INSYN2B: variants seen among roughly 807,000 people sequenced by gnomAD.
The protein encoded by INSYN2B is protein INSYN2B.
INSYN2B carries 16 observed loss-of-function variants against 41.2 expected under a neutral mutation model. That is an observed-to-expected ratio of 0.39 (90% CI 0.26 to 0.59). The LOEUF (loss-of-function observed/expected upper bound fraction) is 0.59, where lower values mean the gene tolerates loss of function less well. Among genes scored for constraint, INSYN2B ranks in the 20% least tolerant of loss-of-function variants. The probability of loss-of-function intolerance (pLI) is 0.57; values close to 1 mark genes in which losing one functional copy is unlikely to be tolerated. For missense variants in INSYN2B, 608 were observed against 646.4 expected (o/e 0.94, Z 0.64); for synonymous variants, 245 against 244.4 (o/e 1.00, Z -0.02).
At chr5:169,929,741 CAAAAAAAAAAAAA>C (rs1211612989) in intron 1 of INSYN2B, among the ~76,000 whole-genome samples, 2 of 62,960 alleles carry the variant, frequency 3.2e-5, no homozygotes, top group Non-Finnish European at 6.7e-5. Flanking sequence ...GACCCTGTCT[CAAAAAAAAAAAAA>C]AAAAAAAAGA....
chr5:169,937,457 G>A (rs916221520), intron 1 of INSYN2B, among the ~76,000 whole-genome samples: 2 of 152,200 alleles, frequency 1.3e-5, no homozygotes, highest in South Asian at 4.1e-4. Context: ...TGAGAATTAG[G>A]TAAGATGCTG....
In INSYN2B at chr5:169,862,044, A is replaced by G. The variant is rs1771236772; in HGVS notation, c.*2229T>C. ...GAGGGCCTCAACTGGAAACATATCT[A>G]TGACCACATCAGCTTATTAATTTTG... is the stretch of plus-strand genomic sequence containing the variant. On this transcript the variant is annotated 3_prime_UTR_variant, in exon 4 of 4. Coordinates refer to ENST00000377365, the MANE Select transcript of INSYN2B (RefSeq NM_001129891.3). 6.6e-6 allele frequency among the ~76,000 whole-genome samples: 1 copy of G among 151,864 alleles called. No individual in the cohort carries two copies. The highest frequency in any genetic ancestry group is 2.1e-4 in the South Asian group (1 of 4,826).
chr5:169,906,830 G>C (rs995767705), intron 1 of INSYN2B, among the ~76,000 whole-genome samples: 9 of 152,230 alleles, frequency 5.9e-5, no homozygotes, highest in Admixed American at 4.6e-4. Flanking sequence ...AGGGAAATTA[G>C]GGCCTGAAGT....
chr5:169,922,913 G>C (rs777702036), intron 1 of INSYN2B, among the ~76,000 whole-genome samples: 2 of 152,182 alleles, frequency 1.3e-5, no homozygotes, highest in Non-Finnish European at 2.9e-5. Context: ...ACAAACACCT[G>C]TACAGTACAG....
chr5:169,865,522 G>T (rs1275902770), intron 3 of INSYN2B, among the ~76,000 whole-genome samples: 1 of 152,184 alleles, frequency 6.6e-6, no homozygotes, highest in Non-Finnish European at 1.5e-5. Context: ...CTGAGCACGG[G>T]TTCCCTCTGT....
intron 1 of INSYN2B, among the ~76,000 whole-genome samples, chr5:169,902,543 TG>T (rs1347980441): frequency 2.0e-5 from 3 of 152,194 alleles, no homozygotes; most frequent in Non-Finnish European, 4.4e-5. Context: ...AGCCTTGACC[TG>T]GGTTGAGAAA....
Position 169,882,975 on chromosome 5 carries a change from A to G in INSYN2B, c.924T>C (p.Thr308=). Residue 308 remains threonine, a synonymous_variant, in exon 2 of 4, where the codon ACT becomes ACC. Coordinates refer to ENST00000377365, the MANE Select transcript of INSYN2B (RefSeq NM_001129891.3). ...GGGAGCCTTGTGAGGGGGAACTGTG[A>G]GTCCGTGGAGATGAAGGAACACACG... The part of the protein sequence containing the change: ...KETCVPSSPR[T]HSSPSQGSHS... The G allele has an allele frequency of 1.3e-6, 2 of 1,551,656 alleles. No individual in the cohort carries two copies. Among genetic ancestry groups the G allele is most frequent in the Non-Finnish European group, 1.7e-6 (2 of 1,146,886 alleles).
At chr5:169,949,582 C>G (rs956293823) in intron 1 of INSYN2B, among the ~76,000 whole-genome samples, 2 of 150,914 alleles carry the variant, frequency 1.3e-5, no homozygotes, top group African/African-American at 2.5e-5. Context: ...AGCACAGCAG[C>G]TTTTTAATGG....
chr5:169,911,314 C>T (rs765841998), intron 1 of INSYN2B, among the ~76,000 whole-genome samples: 2 of 152,092 alleles, frequency 1.3e-5, no homozygotes, highest in Non-Finnish European at 2.9e-5. Context: ...ACATACCAAT[C>T]GTGTATGAAT....
chr5:169,869,150 A>G (rs1029360022), intron 3 of INSYN2B, among the ~76,000 whole-genome samples: 24 of 152,182 alleles, frequency 1.6e-4, no homozygotes, highest in African/African-American at 5.5e-4. Flanking sequence ...AGCTCCTCGC[A>G]TCAACCTTCA....
intron 1 of INSYN2B, among the ~76,000 whole-genome samples, chr5:169,896,608 A>C (rs900951461): frequency 2.0e-5 from 3 of 152,222 alleles, no homozygotes; most frequent in Non-Finnish European, 2.9e-5. Flanking sequence ...GAACCACTTA[A>C]TAAACTTTGG....
At chr5:169,918,567 A>G (rs180874089) in intron 1 of INSYN2B, among the ~76,000 whole-genome samples, 9 of 152,344 alleles carry the variant, frequency 5.9e-5, no homozygotes, top group Non-Finnish European at 5.9e-5. Context: ...CTGAGGGGAA[A>G]TAAATAATCT....
At chr5:169,870,565 G>T (rs1411598329) in intron 3 of INSYN2B, among the ~76,000 whole-genome samples, 2 of 151,152 alleles carry the variant, frequency 1.3e-5, no homozygotes, top group Non-Finnish European at 3.0e-5. Context: ...TTAGATCTGT[G>T]GGTTTTTTTC....
chr5:169,970,466 C>A (rs1185899387), intron 1 of INSYN2B, among the ~76,000 whole-genome samples: 1 of 152,170 alleles, frequency 6.6e-6, no homozygotes, highest in Non-Finnish European at 1.5e-5. Flanking sequence ...GGTCAGGGGA[C>A]TGCTGTTTGA....
intron 1 of INSYN2B, among the ~76,000 whole-genome samples, chr5:169,976,409 G>A (rs1777719333): frequency 6.6e-6 from 1 of 152,168 alleles, no homozygotes; most frequent in Non-Finnish European, 1.5e-5. Context: ...TGAGATTACT[G>A]ACAGGATTCA....
At chr5:169,917,854 T>C (rs1774960328) in intron 1 of INSYN2B, among the ~76,000 whole-genome samples, 1 of 152,208 alleles carries the variant, frequency 6.6e-6, no homozygotes, top group South Asian at 2.1e-4. Context: ...AAAGCTGGTC[T>C]TCCCTTTCCA....
intron 1 of INSYN2B, among the ~76,000 whole-genome samples, chr5:169,972,703 C>G (rs960231676): frequency 2.0e-5 from 3 of 152,102 alleles, no homozygotes; most frequent in Non-Finnish European, 4.4e-5. Flanking sequence ...TGACATAGCT[C>G]CTTACACACA....
chr5:169,867,881 T>G (rs1275556444), intron 3 of INSYN2B, among the ~76,000 whole-genome samples: 2 of 152,146 alleles, frequency 1.3e-5, no homozygotes, highest in African/African-American at 4.8e-5. Context: ...ACCCCTGCAT[T>G]GCAGCAAGGA....
At chr5:169,947,330 A>G (rs1776489433) in intron 1 of INSYN2B, among the ~76,000 whole-genome samples, 1 of 152,256 alleles carries the variant, frequency 6.6e-6, no homozygotes, top group Non-Finnish European at 1.5e-5. Context: ...AACATTTTCC[A>G]AGGGGAATGA....
Sources: allele counts gnomAD v4.1 joint callset (sites outside exome capture counted in the v4.1 genomes callset), GRCh38; gene constraint gnomAD v4.1.1; transcripts MANE v1.5; gene names NCBI Gene and HGNC (gene_info 2026-07-23, HGNC 2026-07-21).